SH3KBP1: variants seen among roughly 807,000 people sequenced by gnomAD.
SH3KBP1 encodes the protein SH3 domain containing kinase binding protein 1.
SH3KBP1 carries 8 observed loss-of-function variants against 50.1 expected under a neutral mutation model. The ratio of observed to expected loss-of-function variants is 0.16; its 90% CI spans 0.09 to 0.29. The LOEUF is 0.29. Among genes scored for constraint, SH3KBP1 ranks in the 10% least tolerant of loss-of-function variants. The probability of loss-of-function intolerance (pLI) is 1.00; values close to 1 mark genes in which losing one functional copy is unlikely to be tolerated. For missense variants in SH3KBP1, 377 were observed against 535.2 expected, an observed-to-expected ratio of 0.70 and a Z score of 2.92; for synonymous variants, 227 against 218.6, an observed-to-expected ratio of 1.04 and a Z score of -0.34.
chrX:19,590,493 A>T (rs924040933), intron 11 of SH3KBP1, among the ~76,000 whole-genome samples: 1 of 111,384 alleles, frequency 9.0e-6, no homozygotes, highest in Non-Finnish European at 1.9e-5. Flanking sequence ...TGGTCAGCCA[A>T]CTAGGGTGGT....
intron 12 of SH3KBP1, among the ~76,000 whole-genome samples, chrX:19,580,866 C>T (rs59167623): frequency 0.023 from 2,514 of 111,690 alleles, 68 homozygotes; most frequent in African/African-American, 0.077. Flanking sequence ...TCTCCGTAAT[C>T]TCCTGCAGTG....
intron 2 of SH3KBP1, among the ~76,000 whole-genome samples, chrX:19,767,279 G>T (rs1273756681): frequency 1.8e-5 from 2 of 111,780 alleles, no homozygotes; most frequent in East Asian, 5.6e-4. Context: ...GAATTTAGAA[G>T]GTCTGAAAAG....
Position 19,881,356 on chromosome X carries a change from G to A in SH3KBP1, c.4+5951C>T, listed in dbSNP as rs192307373. On this transcript the variant is annotated intron_variant, in intron 1 of 17. Transcript: ENST00000397821. ...ACAAGAGGCAAGGAACAATAGCAGC[G>A]TCCCTGTGGAAGTGACAGGAAAGAT... Among the ~76,000 whole-genome samples, 157 of 111,720 alleles carry A rather than the reference G, an allele frequency of 1.4e-3. 1 individual carries two copies. Among genetic ancestry groups the A allele is most frequent in the Non-Finnish European group, 1.7e-3 (88 of 53,119 alleles).
At chrX:19,791,891 A>G (rs1436996966) in intron 2 of SH3KBP1, among the ~76,000 whole-genome samples, 1 of 111,744 alleles carries the variant, frequency 8.9e-6, no homozygotes, top group East Asian at 2.8e-4. Context: ...GCACATAAAC[A>G]CATTTTTAAT....
chrX:19,629,988 T>G (rs2061541399), intron 8 of SH3KBP1, among the ~76,000 whole-genome samples: 1 of 111,959 alleles, frequency 8.9e-6, no homozygotes, highest in Non-Finnish European at 1.9e-5. Flanking sequence ...AAAATCACAT[T>G]AATTTTTATC....
At position 19,774,491 on chromosome X, in the gene SH3KBP1, G is replaced by A. The variant is rs768467698; in HGVS notation, c.163-28050C>T. ...TCGAGACCATCCTGGCTAACACGGTGAAACCCCGTCTCTACTAAAAATACA... is the reference window on the plus strand; with the variant it reads ...TCGAGACCATCCTGGCTAACACGGTAAAACCCCGTCTCTACTAAAAATACA... On this transcript the variant is annotated intron_variant, in intron 2 of 17. Coordinates refer to ENST00000397821, the MANE Select transcript of SH3KBP1 (RefSeq NM_031892.3). 2.7e-5 allele frequency among the ~76,000 whole-genome samples: 3 copies of A among 109,193 alleles called. No individual in the cohort carries two copies. The East Asian group carries it at 8.7e-4, about 32-fold the overall frequency. The allele number at this position is 109,193 out of a possible 115,157, so 94.8% of individuals were successfully genotyped here. A position where few individuals can be genotyped will look rare whatever the true frequency, so the allele number is the denominator to read the frequency against.
chrX:19,764,864 A>G (rs1423305087), intron 2 of SH3KBP1, among the ~76,000 whole-genome samples: 6 of 105,128 alleles, frequency 5.7e-5, no homozygotes, highest in Non-Finnish European at 1.2e-4. Context: ...GCTGGAGTGC[A>G]GTGGTGCGAT....
At chrX:19,600,935 G>A (rs1289632506) in intron 9 of SH3KBP1, among the ~76,000 whole-genome samples, 1 of 111,899 alleles carries the variant, frequency 8.9e-6, no homozygotes, top group Non-Finnish European at 1.9e-5. Flanking sequence ...CAGAAAGGCT[G>A]TTTCAACAGC....
At position 19,871,154 on chromosome X, in the gene SH3KBP1, C is replaced by T. The variant is rs1031420570; in HGVS notation, c.4+16153G>A. Among the ~76,000 whole-genome samples, 8 of 112,356 alleles carry T rather than the reference C, an allele frequency of 7.1e-5. No individual in the cohort carries two copies. In the Admixed American group the frequency reaches 7.5e-4, roughly 11 times the overall value. ...TTTCCTTCTTTCTGGATAAATAGAA[C>T]TTTCTCAAACAAACACCCTTTGGTT... On this transcript the variant is annotated intron_variant, in intron 1 of 17. Coordinates refer to ENST00000397821, the MANE Select transcript of SH3KBP1 (RefSeq NM_031892.3).
chrX:19,544,845 ATACAACTGTG>A (rs1224039290), intron 15 of SH3KBP1, among the ~76,000 whole-genome samples: 1 of 111,842 alleles, frequency 8.9e-6, no homozygotes. Flanking sequence ...GGCTAATGGG[ATACAACTGTG>A]TACATCAGAA....
chrX:19,768,980 T>C (rs2065700733), intron 2 of SH3KBP1, among the ~76,000 whole-genome samples: 1 of 109,869 alleles, frequency 9.1e-6, no homozygotes, highest in African/African-American at 3.3e-5. Context: ...ATGTAAAGTG[T>C]CCTGTCCTGA....
chrX:19,856,334 C>T (rs2068641600), intron 1 of SH3KBP1, among the ~76,000 whole-genome samples: 1 of 111,773 alleles, frequency 8.9e-6, no homozygotes, highest in African/African-American at 3.3e-5. Context: ...CTACACTACC[C>T]TCCCCCAAAA....
chrX:19,654,852 A>C (rs1397718212), intron 6 of SH3KBP1, among the ~76,000 whole-genome samples: 3 of 112,253 alleles, frequency 2.7e-5, no homozygotes, highest in Non-Finnish European at 5.6e-5. Flanking sequence ...GTGCTTTATC[A>C]TGAAACATGC....
In SH3KBP1 at chrX:19,557,020, C is replaced by G. The variant is rs2065511343; in HGVS notation, c.1385-6937G>C. On this transcript the variant is annotated intron_variant, in intron 13 of 17. Coordinates refer to ENST00000397821, the MANE Select transcript of SH3KBP1 (RefSeq NM_031892.3). ...TTTGAACTCCATGTGCCAGCCATGC[C>G]ATTACTAGATGCTTCGCATGCACAC... Among the ~76,000 whole-genome samples, 5 of 111,523 alleles carry G rather than the reference C, an allele frequency of 4.5e-5. No homozygotes were observed. In the South Asian group the frequency reaches 1.9e-3, roughly 42 times the overall value.
At chrX:19,536,540 C>T (rs192571504) in intron 17 of SH3KBP1, 82 bp from the exon 18 acceptor site, 19 of 599,108 alleles carry the variant, frequency 3.2e-5, no homozygotes, top group Middle Eastern at 3.7e-4. Context: ...TCAACCCGGT[C>T]GACTGAAAGA....
At position 19,608,113 on chromosome X, in the gene SH3KBP1, C is replaced by T. The variant is rs7887417; in HGVS notation, c.898-68G>A. On this transcript the variant is annotated intron_variant, in intron 8 of 17. Transcript: ENST00000397821. ...GCCTCCAGAGGGGTGTAACCCCCCT[C>T]TTCAAGAGAATGGAGGCCCTTTCCT... The T allele has an allele frequency of 0.025, 22,929 of 915,620 alleles. 2,505 individuals are homozygous for T. In the African/African-American group the frequency reaches 0.35, roughly 14 times the overall value. 75.5% of individuals were successfully genotyped at this position (915,620 alleles called of 1,213,427 possible).
intron 1 of SH3KBP1, among the ~76,000 whole-genome samples, chrX:19,859,394 C>T (rs754066771): frequency 7.2e-5 from 8 of 111,412 alleles, no homozygotes; most frequent in Admixed American, 4.8e-4. Context: ...GTGATCCACC[C>T]GCCTCAGCCT....
intron 6 of SH3KBP1, chrX:19,670,807 C>T: frequency 4.8e-6 from 5 of 1,046,598 alleles, no homozygotes; most frequent in Non-Finnish European, 6.3e-6. Flanking sequence ...AGATAAGATA[C>T]AGGTTAACTG....
intron 2 of SH3KBP1, among the ~76,000 whole-genome samples, chrX:19,770,516 T>C (rs1225502370): frequency 8.9e-6 from 1 of 111,959 alleles, no homozygotes. Context: ...TGTGCGTGTG[T>C]CTTTATGGTA....
Sources: gnomAD v4.1 joint callset for allele counts (sites outside exome capture counted in the v4.1 genomes callset) on GRCh38, gnomAD v4.1.1 for gene constraint, MANE v1.5 for transcripts, NCBI Gene and HGNC (gene_info 2026-07-23, HGNC 2026-07-21) for gene names.